LRP1: variants seen among roughly 807,000 people sequenced by gnomAD.
LRP1 encodes the protein LDL receptor related protein 1.
A neutral mutation model predicts 541.5 loss-of-function variants in LRP1; 51 were observed. The ratio of observed to expected loss-of-function variants is 0.09; its 90% CI spans 0.08 to 0.12. The LOEUF is 0.12. LRP1 is among the 10% of genes least tolerant of loss of function. The pLI, the probability that LRP1 is intolerant of heterozygous loss-of-function variation, is 1.00. For synonymous variants in LRP1, 2,219 were observed against 2,470.8 expected (o/e 0.90, Z 3.02); for missense variants, 3,878 against 6,376.2 (o/e 0.61, Z 13.34).
intron 20 of LRP1, among the ~76,000 whole-genome samples, chr12:57,172,960 G>A (rs2035974831): frequency 6.6e-6 from 1 of 152,222 alleles, no homozygotes; most frequent in African/African-American, 2.4e-5. Context: ...TAGATGAGGT[G>A]ATTGTGGGGC....
At position 57,158,042 on chromosome 12, in the gene LRP1, A is replaced by T. The variant is rs900574910; in HGVS notation, c.1562-360A>T. Among the ~76,000 whole-genome samples, 2 of 152,184 alleles carry T rather than the reference A, an allele frequency of 1.3e-5. No homozygotes were observed. The highest frequency in any genetic ancestry group is 4.8e-5 in the African/African-American group (2 of 41,418). ...TAGTGGGCAAGAAGTGATGTGGTTT[A>T]CACTAGGATGGCAGCAGAGGAAGTG... On this transcript the variant is annotated intron_variant, in intron 10 of 88. Transcript: ENST00000243077. This position sits in a 1 kb window ranked among gnomAD's most constrained non-coding sequence, Gnocchi z 5.3.
In LRP1 at chr12:57,161,079, C is replaced by T. The variant is rs1389090033; in HGVS notation, c.2166C>T (p.Arg722=). 3.1e-6 allele frequency: 5 copies of T among 1,613,730 alleles called. No homozygotes were observed. The Admixed American group carries it at 8.3e-5, about 27-fold the overall frequency. The change falls in exon 13 of 89, where the codon CGC becomes CGT. Residue 722 remains arginine, a synonymous_variant. Coordinates refer to ENST00000243077, the MANE Select transcript of LRP1 (RefSeq NM_002332.3). ...ACTGGGTGGATGCCTTCTACGACCG[C>T]ATCGAGACGATACTGCTCAATGGCA... The part of the protein sequence containing the change: ...RLYWVDAFYD[R]IETILLNGTD...
In LRP1 at chr12:57,181,160, A is replaced by T; in HGVS notation, c.5531A>T (p.His1844Leu). Residue 1844 changes from histidine (H) to leucine (L), a missense_variant, in exon 34 of 89, where the codon CAT (histidine) becomes CTT (leucine). Physicochemically the swap from His to Leu is moderately conservative, Grantham distance 99. Around this residue, in one of 13 missense-constraint regions of LRP1, gnomAD observed 394 missense variants for 635.9 expected, o/e 0.62. Transcript: ENST00000243077. ...TCTGCCTCCCACCTGCCCCCAGACC[A>T]TAAGGGCACCAACCCCTGCAGTGTC... is the stretch of plus-strand genomic sequence containing the variant. ...KVYDESIQLD[H>L]KGTNPCSVNN... 1 of 1,613,160 alleles carries T rather than the reference A, an allele frequency of 6.2e-7. No individual in the cohort carries two copies. The highest frequency in any genetic ancestry group is 1.7e-5 in the Admixed American group (1 of 59,980).
chr12:57,174,260 G>C (rs1249572258), intron 22 of LRP1, among the ~76,000 whole-genome samples: 1 of 152,222 alleles, frequency 6.6e-6, no homozygotes, highest in East Asian at 1.9e-4. Flanking sequence ...AGGCATGGAG[G>C]GGTTCCATAG....
At chr12:57,192,779 T>G (rs1331213700) in intron 44 of LRP1, 66 bp from the exon 45 acceptor site, 13 of 1,601,832 alleles carry the variant, frequency 8.1e-6, no homozygotes, top group African/African-American at 1.3e-5. Flanking sequence ...AATGGGTGGG[T>G]GCACTCTGGG....
chr12:57,180,379 G>A lies in LRP1; in HGVS notation c.5286G>A (p.Gly1762=). ...PESKLYWISS[G]NHTINRCNLD... is the part of the protein sequence containing the mutation. The stretch of plus-strand genomic sequence containing the variant: ...GCAAACTCTACTGGATCAGCTCCGG[G>A]AACCATACCATCAACCGCTGCAACC... Residue 1762 remains glycine, a synonymous_variant, in exon 32 of 89, where the codon GGG becomes GGA. Coordinates refer to ENST00000243077, the MANE Select transcript of LRP1 (RefSeq NM_002332.3). 1.2e-6 allele frequency: 2 copies of A among 1,614,174 alleles called. No individual in the cohort carries two copies. Among genetic ancestry groups the A allele is most frequent in the Admixed American group, 1.7e-5 (1 of 60,020 alleles).
At chr12:57,168,928 G>C (rs1231437933) in intron 19 of LRP1, among the ~76,000 whole-genome samples, 1 of 152,094 alleles carries the variant, frequency 6.6e-6, no homozygotes, top group African/African-American at 2.4e-5. Context: ...GGCCCTCCAG[G>C]AGCCTTCTCC....
At chr12:57,151,751 G>A (rs1052798819) in intron 6 of LRP1, among the ~76,000 whole-genome samples, 6 of 152,196 alleles carry the variant, frequency 3.9e-5, no homozygotes, top group Admixed American at 2.6e-4. Context: ...CCTTGGAGTG[G>A]TGGCCAAGTG....
chr12:57,160,065 G>T, intron 12 of LRP1, 60 bp downstream of exon 12: 1 of 1,557,316 alleles, frequency 6.4e-7, no homozygotes. Flanking sequence ...TCAGATAACT[G>T]GAGGATGAAA....
chr12:57,129,192 C>A, intron 1 of LRP1, 161 bp downstream of exon 1: 1 of 731,780 alleles, frequency 1.4e-6, no homozygotes, highest in Non-Finnish European at 2.3e-6. Flanking sequence ...GGATGGGGTC[C>A]GATTTGGGGG....
rs767035046 is a variant in LRP1, at chr12:57,184,809, G to A, written c.6187-30G>A. On this transcript the variant is annotated intron_variant, in intron 38 of 88. Transcript: ENST00000243077. The surrounding 1 kb of genome is among the most constrained non-coding windows in gnomAD (Gnocchi z 7.8). The stretch of plus-strand genomic sequence containing the variant: ...TGGGGCTGGCAGCGAGCTCAGCCCT[G>A]GAGGTGAGGTGGGTGCCTCTGGCCT... The A allele has an allele frequency of 6.3e-7, 1 of 1,599,938 alleles. No homozygotes were observed. The highest frequency in any genetic ancestry group is 8.5e-7 in the Non-Finnish European group (1 of 1,169,772).
chr12:57,209,891 G>C (rs767966842), intron 80 of LRP1, 23 bp downstream of exon 80: 1 of 1,610,280 alleles, frequency 6.2e-7, no homozygotes, highest in Non-Finnish European at 8.5e-7. Context: ...GGGAGCCTGG[G>C]CTGGGGAAGG....
intron 10 of LRP1, among the ~76,000 whole-genome samples, chr12:57,157,781 G>A (rs1475705408): frequency 2.0e-5 from 3 of 152,242 alleles, no homozygotes; most frequent in African/African-American, 7.2e-5. Flanking sequence ...ACAGTGCAAA[G>A]GCCCTGAGGC....
rs1361355382 is a variant in LRP1 at position 57,178,415 on chromosome 12, G to A, written c.4418G>A (p.Arg1473Gln). 9.9e-6 allele frequency: 16 copies of A among 1,614,206 alleles called. No individual in the cohort carries two copies. Among genetic ancestry groups the A allele is most frequent in the Middle Eastern group, 1.6e-4 (1 of 6,062 alleles). The change falls in exon 27 of 89, where the codon CGG (arginine) becomes CAG (glutamine). Residue 1473 changes from arginine (R) to glutamine (Q), a missense_variant. By Grantham distance (43) the Arg-to-Gln change is conservative (BLOSUM62 1). Coordinates refer to ENST00000243077, the MANE Select transcript of LRP1 (RefSeq NM_002332.3). This position sits in a 1 kb window ranked among gnomAD's most constrained non-coding sequence, Gnocchi z 5.8. ...GGCTCTGGCCACATGGAGGTGCTTC[G>A]GGGACACGAGTTCCTGTCGCACCCG... ...YDGSGHMEVL[R>Q]GHEFLSHPFA...
intron 1 of LRP1, among the ~76,000 whole-genome samples, chr12:57,132,484 A>G (rs1008188971): frequency 1.3e-5 from 2 of 152,098 alleles, no homozygotes; most frequent in South Asian, 2.1e-4. Context: ...TCTCTCCAAG[A>G]TAGGACAGAT....
At position 57,211,236 on chromosome 12, in the gene LRP1, G is replaced by A. The variant is rs372451428; in HGVS notation, c.12977G>A (p.Arg4326Gln). 19 of 1,614,202 alleles carry A rather than the reference G, an allele frequency of 1.2e-5. No homozygotes were observed. The highest frequency in any genetic ancestry group is 8.8e-5 in the South Asian group (8 of 91,082). The change falls in exon 84 of 89, where the codon CGA becomes CAA. Residue 4326 changes from arginine to glutamine, a missense_variant. By Grantham distance (43) the Arg-to-Gln change is conservative (BLOSUM62 1). This residue lies in a region of LRP1 where 871 missense variants were observed against 1,212.4 expected (regional missense o/e 0.72). Transcript: ENST00000243077. This position sits in a 1 kb window ranked among gnomAD's most constrained non-coding sequence, Gnocchi z 4.3. ...GTCQMAADGSRQCRCTAYFEG... is the reference protein window; with the variant it reads ...GTCQMAADGSQQCRCTAYFEG... ...TGCCAGATGGCTGCTGATGGCTCCC[G>A]ACAATGCCGCTGCACTGCCTACTTT...
At position 57,196,015 on chromosome 12, in the gene LRP1, A is replaced by G. The variant is rs754951810; in HGVS notation, c.8701+12A>G. 1 of 1,612,272 alleles carries G rather than the reference A, an allele frequency of 6.2e-7. No homozygotes were observed. Among genetic ancestry groups the G allele is most frequent in the Non-Finnish European group, 8.5e-7 (1 of 1,179,872 alleles). On this transcript the variant is annotated intron_variant, in intron 54 of 88. Transcript: ENST00000243077. ...CTGCACCAGCCAAGGTGGGCCCCAG[A>G]CCTGGCTCCCCTCTGCCCCCTCCCC...
intron 1 of LRP1, among the ~76,000 whole-genome samples, chr12:57,129,507 G>A (rs1429639263): frequency 6.6e-6 from 1 of 152,050 alleles, no homozygotes; most frequent in Non-Finnish European, 1.5e-5. Flanking sequence ...GTACCCTGCC[G>A]GGCAGAGGGC....
Position 57,206,450 on chromosome 12 carries a change from G to A in LRP1, c.11591-23G>A. On this transcript the variant is annotated intron_variant, in intron 75 of 88. Transcript: ENST00000243077. The surrounding 1 kb of genome is among the most constrained non-coding windows in gnomAD (Gnocchi z 4.7). ...TGCACACCTGCATCCCACAGCCCCA[G>A]CCCTGGCCTCTTGCTTCTCCAGGCT... 1 of 1,612,494 alleles carries A rather than the reference G, an allele frequency of 6.2e-7. No homozygotes were observed. The highest frequency in any genetic ancestry group is 8.5e-7 in the Non-Finnish European group (1 of 1,179,264).
Sources: allele counts gnomAD v4.1 joint callset (sites outside exome capture counted in the v4.1 genomes callset), GRCh38; gene constraint gnomAD v4.1.1; regional missense constraint gnomAD v4.1.1; non-coding constraint Gnocchi (gnomAD v3.1); transcripts MANE v1.5; gene names NCBI Gene and HGNC (gene_info 2026-07-23, HGNC 2026-07-21).